Variants in SLC15A2 observed in about 807,000 individuals in gnomAD.
SLC15A2 encodes solute carrier family 15 member 2.
In SLC15A2, 77 loss-of-function variants were observed where a neutral mutation model predicts 95.5. The ratio of observed to expected loss-of-function variants is 0.81; its 90% confidence interval spans 0.67 to 0.97. The LOEUF is 0.97. SLC15A2 is among the 50% of genes least tolerant of loss of function. The pLI, the probability that SLC15A2 is intolerant of heterozygous loss-of-function variation, is 0.00. For synonymous variants in SLC15A2, 306 were observed against 306.9 expected (o/e 1.00, Z 0.03); for missense variants, 893 against 874.4 (o/e 1.02, Z -0.27).
chr3:121,922,866 G>T lies in SLC15A2; in HGVS notation c.867+5G>T, dbSNP rs1710034982. On this transcript the variant is annotated splice_donor_5th_base_variant and intron_variant, in intron 9 of 21. Transcript: ENST00000489711. ...TGGGCGGCTGAGAAATATCCAGTAA[G>T]TTGGAAATGCAGAAACATCTTATGG... 2 of 1,611,798 alleles carry T rather than the reference G, an allele frequency of 1.2e-6. No homozygotes were observed. Among genetic ancestry groups the T allele is most frequent in the Non-Finnish European group, 1.7e-6 (2 of 1,177,948 alleles).
rs553389088 is a variant in SLC15A2, at chr3:121,903,731, C to A, written c.335+6202C>A. Among the ~76,000 whole-genome samples, 3 of 152,252 alleles carry A rather than the reference C, an allele frequency of 2.0e-5. No homozygotes were observed. In the East Asian group the frequency reaches 5.8e-4, roughly 29 times the overall value. On this transcript the variant is annotated intron_variant, in intron 3 of 21. Transcript: ENST00000489711. ...CTATATATGTGTTTTGGTACCAGTA[C>A]CATGCTGTTTTGGTTACTGTCGCCT...
chr3:121,913,920 A>T (rs972303847), intron 5 of SLC15A2, among the ~76,000 whole-genome samples: 38 of 89,558 alleles, frequency 4.2e-4, no homozygotes, highest in African/African-American at 4.4e-4. Flanking sequence ...TTTCTCCCCC[A>T]CTCCTTCTCT....
Position 121,914,020 on chromosome 3 carries a change from T to G in SLC15A2, c.528+900T>G, listed in dbSNP as rs1203741950. 2.6e-5 allele frequency among the ~76,000 whole-genome samples: 4 copies of G among 151,988 alleles called. No individual in the cohort carries two copies. The East Asian group carries it at 7.8e-4, about 29-fold the overall frequency. ...CCCTGACATAATGCCTATTATCTCC[T>G]TCTGCCTCTGCTATCCTGTCCTGTC... On this transcript the variant is annotated intron_variant, in intron 5 of 21. Transcript: ENST00000489711.
At chr3:121,921,317 T>C (rs1039053966) in intron 7 of SLC15A2, among the ~76,000 whole-genome samples, 1 of 152,178 alleles carries the variant, frequency 6.6e-6, no homozygotes, top group African/African-American at 2.4e-5. Flanking sequence ...ACCAGTAGTG[T>C]CTAGTACAGT....
chr3:121,929,848 G>A (rs1710197503), intron 17 of SLC15A2, among the ~76,000 whole-genome samples: 1 of 152,164 alleles, frequency 6.6e-6, no homozygotes, highest in Non-Finnish European at 1.5e-5. Flanking sequence ...GACAGTTACA[G>A]AGATGGAGTA....
At chr3:121,914,636 T>G (rs1709844295) in intron 5 of SLC15A2, among the ~76,000 whole-genome samples, 1 of 152,158 alleles carries the variant, frequency 6.6e-6, no homozygotes, top group Non-Finnish European at 1.5e-5. Context: ...TAAACATTTA[T>G]CGAGTCCCTA....
rs1036578446 is a variant in SLC15A2, at chr3:121,923,416, A to G, written c.1002+150A>G. ...GAAGGTACCGTGTAGGCAAAGATAA[A>G]GAAAGCTAGTTTAGAAATAAAAACC... On this transcript the variant is annotated intron_variant, in intron 11 of 21. Coordinates refer to ENST00000489711, the MANE Select transcript of SLC15A2 (RefSeq NM_021082.4). 1.5e-5 allele frequency: 11 copies of G among 716,864 alleles called. No individual in the cohort carries two copies. In the African/African-American group the frequency reaches 1.6e-4, roughly 10 times the overall value. The allele number at this position is 716,864 out of a possible 1,614,324, so 44.4% of individuals were successfully genotyped here.
chr3:121,897,997 A>C (rs1242384177), intron 3 of SLC15A2, among the ~76,000 whole-genome samples: 2 of 152,066 alleles, frequency 1.3e-5, no homozygotes, highest in African/African-American at 4.8e-5. Context: ...CCCCGTCTCT[A>C]CTAAAAATAC....
intron 16 of SLC15A2, 56 bp downstream of exon 16, chr3:121,929,202 C>G (rs1710181887): frequency 6.2e-7 from 1 of 1,600,810 alleles, no homozygotes; most frequent in Admixed American, 1.7e-5. Flanking sequence ...ATATGACTGT[C>G]TCATCAACAT....
intron 3 of SLC15A2, among the ~76,000 whole-genome samples, chr3:121,898,120 C>G (rs1336518391): frequency 1.3e-5 from 2 of 151,754 alleles, no homozygotes; most frequent in East Asian, 3.9e-4. Context: ...CAAGATCATG[C>G]CACTGCACTC....
At chr3:121,933,516 T>C (rs1325445567) in intron 19 of SLC15A2, among the ~76,000 whole-genome samples, 1 of 152,100 alleles carries the variant, frequency 6.6e-6, no homozygotes, top group Non-Finnish European at 1.5e-5. Flanking sequence ...TGGCCAGTGA[T>C]GATGAGCATT....
intron 5 of SLC15A2, among the ~76,000 whole-genome samples, chr3:121,913,874 C>A (rs540484998): frequency 1.3e-5 from 2 of 152,056 alleles, no homozygotes; most frequent in African/African-American, 2.4e-5. Flanking sequence ...TCCATTCTCT[C>A]TTCTATAACT....
chr3:121,903,682 A>T (rs941889453), intron 3 of SLC15A2, among the ~76,000 whole-genome samples: 5 of 152,060 alleles, frequency 3.3e-5, no homozygotes, highest in Non-Finnish European at 7.4e-5. Context: ...GTTATTTCTG[A>T]GGCCTCTGTT....
chr3:121,931,556 G>A lies in SLC15A2; in HGVS notation c.1665-83G>A, dbSNP rs991116756. On this transcript the variant is annotated intron_variant, in intron 18 of 21. Coordinates refer to ENST00000489711, the MANE Select transcript of SLC15A2 (RefSeq NM_021082.4). Reference sequence around the variant, plus strand: ...CACTGCTTTCCTCACCATCAGTAGAGAGATGAGATCACTTTCACCTGGAGA... The same window carrying A: ...CACTGCTTTCCTCACCATCAGTAGAAAGATGAGATCACTTTCACCTGGAGA... 5.0e-6 allele frequency: 4 copies of A among 804,340 alleles called. No homozygotes were observed. The Admixed American group carries it at 5.9e-5, about 12-fold the overall frequency. 49.8% of individuals were successfully genotyped at this position (804,340 alleles called of 1,614,324 possible).
Position 121,940,924 on chromosome 3 carries a change from GA to G in SLC15A2, c.2108del (p.Asp703ValfsTer17). The G allele has an allele frequency of 5.0e-6, 8 of 1,614,134 alleles. No individual in the cohort carries two copies. The highest frequency in any genetic ancestry group is 5.9e-6 in the Non-Finnish European group (7 of 1,180,002). On this transcript the variant is annotated frameshift_variant, in exon 22 of 22. Transcript: ENST00000489711. LOFTEE classifies it high-confidence loss of function. ...GYYYVPVKTE[D>X]MRGPADKHIP... Reference sequence around the variant, plus strand: ...CTACTATGTTCCTGTAAAGACAGAGGATATGCGGGGTCCAGCAGATAAGCAC... The same window carrying G: ...CTACTATGTTCCTGTAAAGACAGAGGTATGCGGGGTCCAGCAGATAAGCAC...
intron 19 of SLC15A2, among the ~76,000 whole-genome samples, chr3:121,937,095 C>A (rs1710362785): frequency 7.9e-6 from 1 of 125,818 alleles, no homozygotes; most frequent in Non-Finnish European, 1.6e-5. Flanking sequence ...TATTGGCCCC[C>A]ACTCTCTTCT....
intron 11 of SLC15A2, 53 bp downstream of exon 11, chr3:121,923,319 T>C (rs1710046815): frequency 1.3e-6 from 2 of 1,549,324 alleles, no homozygotes; most frequent in South Asian, 1.2e-5. Context: ...ATCATCCATA[T>C]TGGGGAAAAA....
intron 3 of SLC15A2, among the ~76,000 whole-genome samples, chr3:121,905,859 T>C (rs925249340): frequency 1.1e-4 from 16 of 152,204 alleles, no homozygotes; most frequent in Non-Finnish European, 1.6e-4. Context: ...AGATGTTTAT[T>C]AGGTCCACTT....
At chr3:121,906,691 C>T (rs1236121495) in intron 3 of SLC15A2, among the ~76,000 whole-genome samples, 1 of 152,218 alleles carries the variant, frequency 6.6e-6, no homozygotes, top group East Asian at 1.9e-4. Context: ...TTGGCCCCCA[C>T]TCTCTTCTGG....
Sources: allele counts gnomAD v4.1 joint callset (sites outside exome capture counted in the v4.1 genomes callset), GRCh38; gene constraint gnomAD v4.1.1; transcripts MANE v1.5; gene names NCBI Gene and HGNC (gene_info 2026-07-23, HGNC 2026-07-21).